The following BTBD1 variants were observed in gnomAD, a reference collection of about 807,000 sequenced individuals.
BTBD1 encodes BTB/POZ domain-containing protein 1.
BTBD1 carries 34 observed loss-of-function variants against 48.0 expected under a neutral mutation model. That is an observed-to-expected ratio of 0.71 (90% CI 0.54 to 0.94). The LOEUF is 0.94. Among genes scored for constraint, BTBD1 ranks in the 40% least tolerant of loss-of-function variants. BTBD1 has a pLI of 0.00. For missense variants in BTBD1, 543 were observed against 625.6 expected, an observed-to-expected ratio of 0.87 and a Z score of 1.41; for synonymous variants, 261 against 242.1, an observed-to-expected ratio of 1.08 and a Z score of -0.72.
intron 4 of BTBD1, among the ~76,000 whole-genome samples, chr15:83,037,137 T>G (rs2032645562): frequency 1.3e-5 from 2 of 151,900 alleles, no homozygotes; most frequent in Admixed American, 1.3e-4. Context: ...AAATTTGGTA[T>G]AATAATAAAT....
At chr15:83,060,323 AACATG>A (rs2033155938) in intron 1 of BTBD1, among the ~76,000 whole-genome samples, 1 of 152,164 alleles carries the variant, frequency 6.6e-6, no homozygotes, top group Non-Finnish European at 1.5e-5. Flanking sequence ...GTAAAGATTA[AACATG>A]ACATTACCAC....
At chr15:83,033,805 TCGA>T (rs1335448793) in intron 4 of BTBD1, among the ~76,000 whole-genome samples, 1 of 152,010 alleles carries the variant, frequency 6.6e-6, no homozygotes, top group Non-Finnish European at 1.5e-5. Flanking sequence ...GGTCTTGAAC[TCGA>T]CTCAAACAAT....
chr15:83,054,563 CTTTTTTTTT>C (rs1178762435), intron 2 of BTBD1, among the ~76,000 whole-genome samples: 1 of 130,428 alleles, frequency 7.7e-6, no homozygotes, highest in South Asian at 2.5e-4. Flanking sequence ...AACATTTTTT[CTTTTTTTTT>C]TTTTTTTTGA....
At chr15:83,059,251 T>C (rs1179314957) in intron 1 of BTBD1, among the ~76,000 whole-genome samples, 1 of 152,086 alleles carries the variant, frequency 6.6e-6, no homozygotes, top group Admixed American at 6.5e-5. Flanking sequence ...GCTCAGATAA[T>C]TAAAACAAAG....
chr15:83,055,551 C>T (rs1171536072), intron 2 of BTBD1, among the ~76,000 whole-genome samples: 2 of 152,172 alleles, frequency 1.3e-5, no homozygotes, highest in Admixed American at 6.5e-5. Context: ...GCCATCTTGC[C>T]CAGCCACAAT....
At chr15:83,059,620 T>A (rs987396476) in intron 1 of BTBD1, among the ~76,000 whole-genome samples, 3 of 152,232 alleles carry the variant, frequency 2.0e-5, no homozygotes, top group African/African-American at 7.2e-5. Context: ...GGTCTCATTG[T>A]CACTCCGGGT....
At chr15:83,022,472 G>A (rs992447049) in intron 5 of BTBD1, 1 of 152,072 alleles carries the variant, frequency 6.6e-6, no homozygotes, top group Non-Finnish European at 1.5e-5. Flanking sequence ...AGGAGTTCGA[G>A]ACCAGCCTGG....
At chr15:83,059,067 G>A (rs2033135639) in intron 1 of BTBD1, among the ~76,000 whole-genome samples, 1 of 152,142 alleles carries the variant, frequency 6.6e-6, no homozygotes, top group African/African-American at 2.4e-5. Context: ...GTATGTATCT[G>A]AAGACACAGA....
chr15:83,060,471 A>C (rs1022670064), intron 1 of BTBD1, among the ~76,000 whole-genome samples: 3 of 152,006 alleles, frequency 2.0e-5, no homozygotes, highest in African/African-American at 7.2e-5. Flanking sequence ...AAAAAAAAAA[A>C]AAAACAACTT....
rs1567115761 is a variant in BTBD1 at position 83,066,811 on chromosome 15, G to A, written c.341C>T (p.Thr114Ile). 3 of 1,448,516 alleles carry A rather than the reference G, an allele frequency of 2.1e-6. No individual in the cohort carries two copies. The highest frequency in any genetic ancestry group is 3.9e-4 in the Middle Eastern group (2 of 5,118). 89.7% of individuals were successfully genotyped at this position (1,448,516 alleles called of 1,614,324 possible). A position where few individuals can be genotyped will look rare whatever the true frequency, so the allele number is the denominator to read the frequency against. ...FDAMFNGGMA[T>I]TSAEIELPDV... ...CGGCAGCTCGATCTCGGCCGACGTG[G>A]TGGCCATGCCGCCGTTGAACATGGC... is the stretch of plus-strand genomic sequence containing the variant. The change falls in exon 1 of 8, where the codon ACC becomes ATC. Residue 114 changes from threonine (T) to isoleucine (I), a missense_variant. Transcript: ENST00000261721.
chr15:83,054,778 T>C (rs944076189), intron 2 of BTBD1, among the ~76,000 whole-genome samples: 2 of 152,102 alleles, frequency 1.3e-5, no homozygotes, highest in Non-Finnish European at 2.9e-5. Context: ...GCCAGGATGG[T>C]CTCGATCTCT....
rs1457282820 is a variant in BTBD1 at position 83,041,917 on chromosome 15, A to G, written c.673T>C (p.Cys225Arg). The change falls in exon 4 of 8, where the codon TGT becomes CGT. Residue 225 changes from cysteine (C) to arginine (R), a missense_variant. Physicochemically the swap from Cys to Arg is radical, Grantham distance 180 (BLOSUM62 -3). This residue lies in a region of BTBD1 where 300 missense variants were observed against 350.0 expected (regional missense o/e 0.86). Coordinates refer to ENST00000261721, the MANE Select transcript of BTBD1 (RefSeq NM_025238.4). ...AGTGTGTCTCTCTCTAAAACTGCAC[A>G]GAGTGTATCTATAGGCAAAATACAA... Reference protein sequence around the residue: ...GFTDIDIDTLCAVLERDTLSI... With the variant: ...GFTDIDIDTLRAVLERDTLSI... 1 of 1,614,132 alleles carries G rather than the reference A, an allele frequency of 6.2e-7. No individual in the cohort carries two copies. The highest frequency in any genetic ancestry group is 2.2e-5 in the East Asian group (1 of 44,888).
chr15:83,027,885 C>T (rs149148016), intron 5 of BTBD1, among the ~76,000 whole-genome samples: 1 of 152,328 alleles, frequency 6.6e-6, no homozygotes, highest in African/African-American at 2.4e-5. Flanking sequence ...CAGCAACTAA[C>T]TACTTCAGTT....
At chr15:83,059,239 C>G (rs1010761222) in intron 1 of BTBD1, among the ~76,000 whole-genome samples, 2 of 152,102 alleles carry the variant, frequency 1.3e-5, no homozygotes, top group African/African-American at 4.8e-5. Context: ...TTTGCACTAG[C>G]TGCTCAGATA....
intron 2 of BTBD1, among the ~76,000 whole-genome samples, chr15:83,055,248 A>C (rs1315474525): frequency 6.7e-6 from 1 of 150,262 alleles, no homozygotes; most frequent in Non-Finnish European, 1.5e-5. Context: ...TAGACTATAC[A>C]CTTAGAATAC....
chr15:83,057,378 A>C (rs1038245818), intron 1 of BTBD1, among the ~76,000 whole-genome samples: 4 of 152,238 alleles, frequency 2.6e-5, no homozygotes, highest in Admixed American at 2.6e-4. Context: ...CACCTACTTC[A>C]TAATGTGGTT....
At chr15:83,063,848 G>A (rs1436997227) in intron 1 of BTBD1, among the ~76,000 whole-genome samples, 1 of 152,208 alleles carries the variant, frequency 6.6e-6, no homozygotes, top group Non-Finnish European at 1.5e-5. Flanking sequence ...TGCTGAGAAT[G>A]TTCCTTCTCT....
intron 2 of BTBD1, among the ~76,000 whole-genome samples, chr15:83,052,634 T>A (rs963840108): frequency 8.7e-6 from 1 of 115,238 alleles, no homozygotes; most frequent in Non-Finnish European, 1.9e-5. Flanking sequence ...TCAACAGATT[T>A]TTTTTTTTTT....
chr15:83,055,995 C>G (rs538455303), intron 2 of BTBD1, among the ~76,000 whole-genome samples: 1 of 150,894 alleles, frequency 6.6e-6, no homozygotes, highest in African/African-American at 2.5e-5. Context: ...GTGTCTGCCC[C>G]GCCACCCCAA....
Sources: gnomAD v4.1 joint callset for allele counts (sites outside exome capture counted in the v4.1 genomes callset) on GRCh38, gnomAD v4.1.1 for gene constraint, gnomAD v4.1.1 regional missense constraint, MANE v1.5 for transcripts, NCBI Gene and HGNC (gene_info 2026-07-23, HGNC 2026-07-21) for gene names.